The following TLCD3B variants were observed in gnomAD, a reference collection of about 807,000 sequenced individuals.
TLCD3B encodes the protein ceramide synthase.
Under a neutral mutation model 23.0 loss-of-function variants are expected in TLCD3B, and 9 were observed. That is an observed-to-expected ratio of 0.39 (90% CI 0.24 to 0.68). The LOEUF (loss-of-function observed/expected upper bound fraction) is 0.68. Among genes scored for constraint, TLCD3B ranks in the 30% least tolerant of loss-of-function variants. TLCD3B has a pLI of 0.44. For synonymous variants in TLCD3B, 161 were observed against 161.0 expected (o/e 1.00, Z 0.00); for missense variants, 307 against 371.8 (o/e 0.83, Z 1.43).
At chr16:30,037,728 C>A (rs944231722) in intron 3 of TLCD3B, among the ~76,000 whole-genome samples, 1 of 117,656 alleles carries the variant, frequency 8.5e-6, no homozygotes, top group Admixed American at 8.2e-5. Context: ...CAGAGTAAGA[C>A]CCTGCCCCCC....
chr16:30,038,770 A>T (rs1372516834), intron 3 of TLCD3B, among the ~76,000 whole-genome samples: 6 of 151,882 alleles, frequency 4.0e-5, no homozygotes, highest in South Asian at 2.1e-4. Flanking sequence ...AAAAAAAAAA[A>T]TTTAATTAAA....
chr16:30,036,447 A>T (rs1322873135), intron 3 of TLCD3B: 2 of 1,244,000 alleles, frequency 1.6e-6, no homozygotes, highest in Admixed American at 2.8e-5. Context: ...CACAGGCAGG[A>T]TGAAGGGAAC....
upstream of TLCD3B, chr16:30,036,200 C>T: frequency 7.8e-7 from 1 of 1,288,990 alleles, no homozygotes; most frequent in African/African-American, 1.5e-5. Flanking sequence ...TGATGTTTCT[C>T]CTCAGCACCC....
chr16:30,040,167 T>TAC (rs2071558458), intron 3 of TLCD3B, among the ~76,000 whole-genome samples: 1 of 143,432 alleles, frequency 7.0e-6, no homozygotes, highest in East Asian at 2.0e-4. Context: ...TATATATATA[T>TAC]ATATGAAAAG....
intron 1 of TLCD3B, among the ~76,000 whole-genome samples, chr16:30,051,535 A>AAAAAG (rs1555477097): frequency 1.2e-4 from 18 of 149,822 alleles, no homozygotes; most frequent in Non-Finnish European, 1.3e-4. Flanking sequence ...AAAAAAAAAA[A>AAAAAG]AAAAGAAAAG....
intron 2 of TLCD3B, among the ~76,000 whole-genome samples, chr16:30,046,159 C>T (rs1376477861): frequency 2.6e-5 from 4 of 151,986 alleles, no homozygotes; most frequent in East Asian, 3.9e-4. Context: ...CAGTCCACCA[C>T]GTGTGGAGGG....
chr16:30,026,703 C>T lies in TLCD3B; in HGVS notation c.350G>A (p.Ser117Asn). The change falls in exon 3 of 5, where the codon AGC (serine) becomes AAC (asparagine). Residue 117 changes from serine to asparagine, a missense_variant. Coordinates refer to ENST00000380495, the MANE Select transcript of TLCD3B (RefSeq NM_031478.6). ...GDDGAARAPGSTWAIARGYLH... is the reference protein window; with the variant it reads ...GDDGAARAPGNTWAIARGYLH... ...GTAGCCACGCGCTATGGCCCACGTG[C>T]TGCCCGGGGCTCTGGCCGCTCCGTC... 1 of 1,614,026 alleles carries T rather than the reference C, an allele frequency of 6.2e-7. No individual in the cohort carries two copies. Among genetic ancestry groups the T allele is most frequent in the South Asian group, 1.1e-5 (1 of 91,076 alleles).
rs1200546384 is a variant in TLCD3B at position 30,036,281 on chromosome 16, A to G, written c.-66-67T>C. The G allele has an allele frequency of 5.4e-6, 7 of 1,288,816 alleles. No individual in the cohort carries two copies. In the African/African-American group the frequency reaches 9.1e-5, roughly 17 times the overall value. The allele number at this position is 1,288,816 out of a possible 1,614,324, so 79.8% of individuals were successfully genotyped here. ...CTTTAAAATGACATTTGTTGAAAAA[A>G]CAAAATAAAGCCAAAGCGATTGTTG... On this transcript the variant is annotated intron_variant, in intron 3 of 6. Coordinates refer to the TLCD3B transcript ENST00000561666.
chr16:30,050,288 C>T (rs2151000821), intron 1 of TLCD3B, among the ~76,000 whole-genome samples: 1 of 152,300 alleles, frequency 6.6e-6, no homozygotes, highest in South Asian at 2.1e-4. Context: ...CTTGTAATCC[C>T]AGCAATTCGA....
intron 2 of TLCD3B, among the ~76,000 whole-genome samples, chr16:30,043,806 C>G (rs2071614272): frequency 6.6e-6 from 1 of 152,032 alleles, no homozygotes; most frequent in Non-Finnish European, 1.5e-5. Context: ...GCCTCAGCCT[C>G]CTGAGTAGCT....
At chr16:30,037,272 G>A (rs1355978375) in intron 3 of TLCD3B, among the ~76,000 whole-genome samples, 1 of 151,776 alleles carries the variant, frequency 6.6e-6, no homozygotes, top group Non-Finnish European at 1.5e-5. Flanking sequence ...GCCGGGCACG[G>A]TGGCTCCCGC....
upstream of TLCD3B, among the ~76,000 whole-genome samples, chr16:30,032,118 G>A (rs1051901274): frequency 6.6e-6 from 1 of 152,134 alleles, no homozygotes; most frequent in African/African-American, 2.4e-5. Context: ...GGAAAGGACT[G>A]CGGGGTGGGC....
At chr16:30,045,602 GTGTT>G (rs1365861565) in intron 2 of TLCD3B, among the ~76,000 whole-genome samples, 4 of 141,782 alleles carry the variant, frequency 2.8e-5, no homozygotes, top group African/African-American at 2.6e-5. Flanking sequence ...AGTGGTGTGT[GTGTT>G]TGTGTGGTGT....
At chr16:30,037,968 G>GCC (rs1024037801) in intron 3 of TLCD3B, among the ~76,000 whole-genome samples, 44 of 152,142 alleles carry the variant, frequency 2.9e-4, no homozygotes, top group African/African-American at 1.0e-3. Flanking sequence ...TGAAAAATCT[G>GCC]AACAGCGTTT....
chr16:30,032,233 G>T (rs2071378433), upstream of TLCD3B, among the ~76,000 whole-genome samples: 1 of 152,100 alleles, frequency 6.6e-6, no homozygotes, highest in Admixed American at 6.6e-5. Context: ...TTGACTTCTG[G>T]CCTCCCATCC....
Position 30,025,716 on chromosome 16 carries a change from G to A in TLCD3B, c.540+10C>T. ...CCATTGGGCTCCTGCACCCTCCCAT[G>A]CTCACTCACCTGGATGAGGATCTTG... On this transcript the variant is annotated intron_variant, in intron 4 of 4. Transcript: ENST00000380495. This position sits in a 1 kb window ranked among gnomAD's most constrained non-coding sequence, Gnocchi z 4.1. 6.2e-7 allele frequency: 1 copy of A among 1,613,540 alleles called. No homozygotes were observed. The highest frequency in any genetic ancestry group is 8.5e-7 in the Non-Finnish European group (1 of 1,179,528).
Position 30,025,927 on chromosome 16 carries a change from T to C in TLCD3B, c.445-106A>G. 3 of 855,336 alleles carry C rather than the reference T, an allele frequency of 3.5e-6. No homozygotes were observed. Among genetic ancestry groups the C allele is most frequent in the Non-Finnish European group, 1.9e-6 (1 of 529,162 alleles). The allele number at this position is 855,336 out of a possible 1,614,324, so 53.0% of individuals were successfully genotyped here. ...TGTCACTTTGGGAGATGCTTGACTC[T>C]GAACATCAGAACACCTGGGTGCAGG... On this transcript the variant is annotated intron_variant, in intron 3 of 4. Transcript: ENST00000380495. The surrounding 1 kb of genome is among the most constrained non-coding windows in gnomAD (Gnocchi z 4.1).
chr16:30,024,429 G>A lies in TLCD3B; in HGVS notation c.*754C>T, dbSNP rs868386125. On this transcript the variant is annotated 3_prime_UTR_variant, in exon 5 of 5. Coordinates refer to ENST00000380495, the MANE Select transcript of TLCD3B (RefSeq NM_031478.6). ...GAACTTGGTGGCAAGGGCCTTGGTG[G>A]CGTTCACGCAGATCGTCTTTTATTA... 9 of 709,072 alleles carry A rather than the reference G, an allele frequency of 1.3e-5. 1 individual carries two copies. The Middle Eastern group carries it at 1.6e-3, about 125-fold the overall frequency. The allele number at this position is 709,072 out of a possible 1,614,324, so 43.9% of individuals were successfully genotyped here.
chr16:30,030,414 A>G lies in TLCD3B; in HGVS notation c.114T>C (p.Ile38=), dbSNP rs776850525. 6.3e-7 allele frequency: 1 copy of G among 1,584,406 alleles called. No individual in the cohort carries two copies. Among genetic ancestry groups the G allele is most frequent in the Non-Finnish European group, 8.6e-7 (1 of 1,168,298 alleles). ...QLRWEEADAV[I]VSARLVSSVQ... ...AGAAAGTGGTTTACCTGGCTGAGAC[A>G]ATGACTGCGTCGGCCTCCTCCCAGC... Residue 38 remains isoleucine, a synonymous_variant, in exon 1 of 5, where the codon ATT becomes ATC. Coordinates refer to ENST00000380495, the MANE Select transcript of TLCD3B (RefSeq NM_031478.6).
Sources: allele counts gnomAD v4.1 joint callset (sites outside exome capture counted in the v4.1 genomes callset), GRCh38; gene constraint gnomAD v4.1.1; non-coding constraint Gnocchi (gnomAD v3.1); transcripts MANE v1.5; gene names NCBI Gene and HGNC (gene_info 2026-07-23, HGNC 2026-07-21).